The following SPEG variants were observed in gnomAD, a reference collection of about 807,000 sequenced individuals.
SPEG encodes striated muscle preferentially expressed protein kinase.
Under a neutral mutation model 300.4 loss-of-function variants are expected in SPEG, and 114 were observed. The observed-to-expected ratio is 0.38, with a 90% CI of 0.33 to 0.44. SPEG has a LOEUF of 0.44. Among genes scored for constraint, SPEG ranks in the 20% least tolerant of loss-of-function variants. The pLI is 1.00. For missense variants in SPEG, 4,201 were observed against 4,586.2 expected (o/e 0.92, Z 2.43); for synonymous variants, 1,964 against 2,018.9 (o/e 0.97, Z 0.73).
intron 1 of SPEG, among the ~76,000 whole-genome samples, chr2:219,436,505 C>T (rs1404423529): frequency 6.6e-6 from 1 of 152,190 alleles, no homozygotes. Context: ...ACATGTCACT[C>T]CCCTGGGTGC....
intron 6 of SPEG, among the ~76,000 whole-genome samples, chr2:219,457,727 G>A (rs371563467): frequency 6.6e-6 from 1 of 152,204 alleles, no homozygotes; most frequent in East Asian, 1.9e-4. Flanking sequence ...CCCTCGGGTG[G>A]CAGTGGGAGG....
rs751473277 is a variant in SPEG at position 219,469,035 on chromosome 2, G to A, written c.3478G>A (p.Ala1160Thr). 18 of 1,611,950 alleles carry A rather than the reference G, an allele frequency of 1.1e-5. No homozygotes were observed. The highest frequency in any genetic ancestry group is 2.7e-5 in the African/African-American group (2 of 74,884). ...GTATGTAGAAGAGCCCCGGACAGCC[G>A]CCTCAGGCCCCAGGTACCACCGGGG... ...QLYVEEPRTAASGPSSKLEKM... is the reference protein window; with the variant it reads ...QLYVEEPRTATSGPSSKLEKM... The change falls in exon 12 of 41, where the codon GCC (alanine) becomes ACC (threonine). Residue 1160 changes from alanine to threonine, a missense_variant. Transcript: ENST00000312358.
intron 4 of SPEG, among the ~76,000 whole-genome samples, chr2:219,449,683 G>A (rs978328565): frequency 2.0e-5 from 3 of 152,164 alleles, no homozygotes; most frequent in African/African-American, 7.2e-5. Flanking sequence ...GGGAGAGATG[G>A]TAGATGGTCT....
In SPEG at chr2:219,451,535, G is replaced by T; in HGVS notation, c.2258-90G>T. The T allele has an allele frequency of 7.7e-7, 1 of 1,303,856 alleles. No homozygotes were observed. The highest frequency in any genetic ancestry group is 1.0e-6 in the Non-Finnish European group (1 of 983,190). The allele number at this position is 1,303,856 out of a possible 1,614,324, so 80.8% of individuals were successfully genotyped here. A position where few individuals can be genotyped will look rare whatever the true frequency, so the allele number is the denominator to read the frequency against. Reference sequence around the variant, plus strand: ...CCTGGGGTGCTGAGAGGAGAGGTTTGGTCTCCTGTGTGGTGTGTGGGGTAG... The same window carrying T: ...CCTGGGGTGCTGAGAGGAGAGGTTTTGTCTCCTGTGTGGTGTGTGGGGTAG... On this transcript the variant is annotated intron_variant, in intron 5 of 40. Transcript: ENST00000312358. The surrounding 1 kb of genome is among the most constrained non-coding windows in gnomAD (Gnocchi z 6.4).
At chr2:219,471,799 A>G in intron 13 of SPEG, 69 bp from the exon 14 acceptor site, 1 of 1,590,230 alleles carries the variant, frequency 6.3e-7, no homozygotes, top group South Asian at 1.1e-5. Context: ...CAGGCCCGGG[A>G]TGGCATGGGC....
chr2:219,484,154 C>A lies in SPEG; in HGVS notation c.6691C>A (p.Pro2231Thr). The change falls in exon 30 of 41, where the codon CCC (proline) becomes ACC (threonine). Residue 2231 changes from proline to threonine, a missense_variant. Transcript: ENST00000312358. ...AGTCCGAGCCTCCAAGCCTGCACCACCCCCCCAGGCCCTGCAAACCCTAGC... is the reference window on the plus strand; with the variant it reads ...AGTCCGAGCCTCCAAGCCTGCACCAACCCCCCAGGCCCTGCAAACCCTAGC... Reference protein sequence around the residue: ...EPVRASKPAPPPQALQTLALP... With the variant: ...EPVRASKPAPTPQALQTLALP... The A allele has an allele frequency of 1.9e-6, 3 of 1,612,880 alleles. No individual in the cohort carries two copies. Among genetic ancestry groups the A allele is most frequent in the Non-Finnish European group, 2.5e-6 (3 of 1,179,580 alleles).
In SPEG at chr2:219,480,275, T is replaced by C. The variant is rs1692714756; in HGVS notation, c.5342+135T>C. On this transcript the variant is annotated intron_variant, in intron 25 of 40. Coordinates refer to ENST00000312358, the MANE Select transcript of SPEG (RefSeq NM_005876.5). This position sits in a 1 kb window ranked among gnomAD's most constrained non-coding sequence, Gnocchi z 5.3. ...TGGGCTGGAGGCATTGTTTGCAGGG[T>C]CTCCTGCCCATGTTACTCCTTGCCC... 2.1e-6 allele frequency: 2 copies of C among 940,466 alleles called. No homozygotes were observed. Among genetic ancestry groups the C allele is most frequent in the African/African-American group, 3.3e-5 (2 of 60,840 alleles). 58.3% of individuals were successfully genotyped at this position (940,466 alleles called of 1,614,324 possible). A position where few individuals can be genotyped will look rare whatever the true frequency, so the allele number is the denominator to read the frequency against.
rs1219385760 is a variant in SPEG at position 219,484,656 on chromosome 2, G to A, written c.7193G>A (p.Arg2398Lys). The change falls in exon 30 of 41, where the codon AGG (arginine) becomes AAG (lysine). Residue 2398 changes from arginine (R) to lysine (K), a missense_variant. Arg to Lys is a conservative substitution (Grantham distance 26). Around this residue, in one of 4 missense-constraint regions of SPEG, gnomAD observed 1,578 missense variants for 1,506.0 expected, o/e 1.05. Transcript: ENST00000312358. Reference protein sequence around the residue: ...PERSRSVQDLRAVGEPGLVRR... With the variant: ...PERSRSVQDLKAVGEPGLVRR... ...CGCTCACGCTCGGTGCAGGACCTCA[G>A]GGCTGTCGGAGAGCCTGGCCTCGTC... is the stretch of plus-strand genomic sequence containing the variant. The A allele has an allele frequency of 1.3e-6, 2 of 1,532,294 alleles. No individual in the cohort carries two copies. Among genetic ancestry groups the A allele is most frequent in the East Asian group, 2.5e-5 (1 of 40,300 alleles). 94.9% of individuals were successfully genotyped at this position (1,532,294 alleles called of 1,614,324 possible). A position where few individuals can be genotyped will look rare whatever the true frequency, so the allele number is the denominator to read the frequency against.
At position 219,489,437 on chromosome 2, in the gene SPEG, C is replaced by T. The variant is rs1693758603; in HGVS notation, c.8419C>T (p.Leu2807=). 6.2e-7 allele frequency: 1 copy of T among 1,613,128 alleles called. No individual in the cohort carries two copies. Among genetic ancestry groups the T allele is most frequent in the Admixed American group, 1.7e-5 (1 of 59,968 alleles). Residue 2807 remains leucine, a synonymous_variant, in exon 36 of 41, where the codon CTA becomes TTA. Transcript: ENST00000312358. ...PDSPTSLAPP[L]APAAPTPPSV... ...CTCTCCTACCTCACTGGCCCCACCC[C>T]TAGCTCCTGCTGCCCCCACACCCCC...
At position 219,460,460 on chromosome 2, in the gene SPEG, G is replaced by A. The variant is rs77769075; in HGVS notation, c.2441-1422G>A. 1.9e-3 allele frequency: 1,897 copies of A among 985,468 alleles called. 29 individuals are homozygous for A. The African/African-American group carries it at 0.031, about 16-fold the overall frequency. 61.0% of individuals were successfully genotyped at this position (985,468 alleles called of 1,614,324 possible). On this transcript the variant is annotated intron_variant, in intron 6 of 40. Transcript: ENST00000312358. The stretch of plus-strand genomic sequence containing the variant: ...TTGGTGGACGTGTCAGAACAAATGG[G>A]TCAGGGCAAGTGTCCCTATTGGCAC...
At position 219,447,959 on chromosome 2, in the gene SPEG, A is replaced by G; in HGVS notation, c.816-15A>G. 3.7e-6 allele frequency: 6 copies of G among 1,611,462 alleles called. No homozygotes were observed. Among genetic ancestry groups the G allele is most frequent in the Non-Finnish European group, 4.2e-6 (5 of 1,179,326 alleles). ...CCCCCTGAATCCTCTACCCTTCTCC[A>G]TCTTGGTTCTGCAGCAGCGTCCCTC... is the stretch of plus-strand genomic sequence containing the variant. On this transcript the variant is annotated splice_polypyrimidine_tract_variant and intron_variant, in intron 3 of 40. Coordinates refer to ENST00000312358, the MANE Select transcript of SPEG (RefSeq NM_005876.5).
At chr2:219,452,214 T>A (rs1170969631) in intron 6 of SPEG, among the ~76,000 whole-genome samples, 1 of 152,170 alleles carries the variant, frequency 6.6e-6, no homozygotes, top group African/African-American at 2.4e-5. Flanking sequence ...ATTTCCCCTG[T>A]AAGACAGTCC....
Position 219,490,714 on chromosome 2 carries a change from T to C in SPEG, c.9162-19T>C. Reference sequence around the variant, plus strand: ...GGAGGCTGGGCCGGGTATCATCTGCTCCATCCCTGCCCTCCCAGGTTCCGG... The same window carrying C: ...GGAGGCTGGGCCGGGTATCATCTGCCCCATCCCTGCCCTCCCAGGTTCCGG... On this transcript the variant is annotated intron_variant, in intron 37 of 40. Transcript: ENST00000312358. 6.2e-7 allele frequency: 1 copy of C among 1,613,590 alleles called. No homozygotes were observed. The highest frequency in any genetic ancestry group is 1.1e-5 in the South Asian group (1 of 91,070).
In SPEG at chr2:219,449,018, G is replaced by A. The variant is rs757750106; in HGVS notation, c.1860G>A (p.Glu620=). ...CGCCCCCCGCCGCCGATCCCCCAGA[G>A]GCCAGGACGAAAGCACCCCCCGGTC... The part of the protein sequence containing the change: ...PVPPPAADPP[E]ARTKAPPGRK... Residue 620 remains glutamate, a synonymous_variant, in exon 4 of 41, where the codon GAG becomes GAA. Coordinates refer to ENST00000312358, the MANE Select transcript of SPEG (RefSeq NM_005876.5). 6.6e-7 allele frequency: 1 copy of A among 1,517,328 alleles called. No individual in the cohort carries two copies. The highest frequency in any genetic ancestry group is 8.8e-7 in the Non-Finnish European group (1 of 1,132,890). The allele number at this position is 1,517,328 out of a possible 1,614,324, so 94.0% of individuals were successfully genotyped here. A position where few individuals can be genotyped will look rare whatever the true frequency, so the allele number is the denominator to read the frequency against.
At chr2:219,467,455 T>C in intron 10 of SPEG, 21 bp downstream of exon 10, 1 of 1,581,174 alleles carries the variant, frequency 6.3e-7, no homozygotes, top group Non-Finnish European at 8.6e-7. Flanking sequence ...ACTCAGGCAT[T>C]GGGCTGCCGT....
rs902646265 is a variant in SPEG, at chr2:219,449,270, C to G, written c.2112C>G (p.Leu704=). 4 of 1,381,718 alleles carry G rather than the reference C, an allele frequency of 2.9e-6. No homozygotes were observed. The highest frequency in any genetic ancestry group is 1.7e-5 in the South Asian group (1 of 58,168). The allele number at this position is 1,381,718 out of a possible 1,614,324, so 85.6% of individuals were successfully genotyped here. A position where few individuals can be genotyped will look rare whatever the true frequency, so the allele number is the denominator to read the frequency against. ...GRRARPTSPE[L]ESSDDSYVSA... ...GGGCCCGGCCCACCTCCCCTGAGCT[C>G]GGTAAGGCCTCAGGGAGGGCTGACA... Residue 704 remains leucine (L), a splice_region_variant and synonymous_variant, in exon 4 of 41, where the codon CTC becomes CTG. Transcript: ENST00000312358.
rs974523851 is a variant in SPEG, at chr2:219,461,265, G to A, written c.2441-617G>A. 63 of 985,794 alleles carry A rather than the reference G, an allele frequency of 6.4e-5. No individual in the cohort carries two copies. In the African/African-American group the frequency reaches 6.8e-4, roughly 11 times the overall value. 61.1% of individuals were successfully genotyped at this position (985,794 alleles called of 1,614,324 possible). A position where few individuals can be genotyped will look rare whatever the true frequency, so the allele number is the denominator to read the frequency against. ...AGCTCTGCTTTCCTATCCCTCGAGC[G>A]TTTGGGGGTGCAAGCTGTAGGGCTG... is the stretch of plus-strand genomic sequence containing the variant. On this transcript the variant is annotated intron_variant, in intron 6 of 40. Coordinates refer to ENST00000312358, the MANE Select transcript of SPEG (RefSeq NM_005876.5).
chr2:219,443,865 G>A lies in SPEG; in HGVS notation c.389-788G>A. The A allele has an allele frequency of 2.1e-6, 1 of 486,742 alleles. No individual in the cohort carries two copies. The highest frequency in any genetic ancestry group is 3.8e-6 in the Non-Finnish European group (1 of 259,902). The allele number at this position is 486,742 out of a possible 1,614,324, so 30.2% of individuals were successfully genotyped here. A position where few individuals can be genotyped will look rare whatever the true frequency, so the allele number is the denominator to read the frequency against. ...CCCAAGTATGGGGGTCCCCAGTGCT[G>A]GGCACATCCCAGGTATCTCCCTCCC... On this transcript the variant is annotated intron_variant, in intron 1 of 40. Coordinates refer to ENST00000312358, the MANE Select transcript of SPEG (RefSeq NM_005876.5). This position sits in a 1 kb window ranked among gnomAD's most constrained non-coding sequence, Gnocchi z 4.6.
At position 219,484,218 on chromosome 2, in the gene SPEG, T is replaced by G. The variant is rs1439906297; in HGVS notation, c.6755T>G (p.Leu2252Arg). The G allele has an allele frequency of 6.2e-7, 1 of 1,611,716 alleles. No individual in the cohort carries two copies. Among genetic ancestry groups the G allele is most frequent in the South Asian group, 1.1e-5 (1 of 91,020 alleles). Residue 2252 changes from leucine (L) to arginine (R), a missense_variant, in exon 30 of 41, where the codon CTC (leucine) becomes CGC (arginine). By Grantham distance (102) the Leu-to-Arg change is moderately radical. Around this residue, in one of 4 missense-constraint regions of SPEG, gnomAD observed 1,578 missense variants for 1,506.0 expected, o/e 1.05. Transcript: ENST00000312358. ...LTPYAQIIQS[L>R]QLSGHAQGPS... ...CCCTATGCTCAGATCATTCAGTCCC[T>G]CCAGCTGTCAGGCCACGCCCAGGGC...
Sources: gnomAD v4.1 joint callset for allele counts (sites outside exome capture counted in the v4.1 genomes callset) on GRCh38, gnomAD v4.1.1 for gene constraint, gnomAD v4.1.1 regional missense constraint, Gnocchi (gnomAD v3.1) non-coding constraint, MANE v1.5 for transcripts, NCBI Gene and HGNC (gene_info 2026-07-23, HGNC 2026-07-21) for gene names.